Variants in MCTP2 observed in about 807,000 individuals in gnomAD.
MCTP2 encodes the protein multiple C2 and transmembrane domain-containing protein 2.
In MCTP2, 132 loss-of-function variants were observed where a neutral mutation model predicts 111.6. That is an observed-to-expected ratio of 1.18 (90% CI 1.03 to 1.37). MCTP2 has a LOEUF of 1.37. Ranked by LOEUF, MCTP2 falls within the 40% of genes most tolerant of loss-of-function variation. The pLI is 0.00. For missense variants in MCTP2, 1,183 were observed against 1,067.9 expected (o/e 1.11, Z -1.50); for synonymous variants, 395 against 387.7 (o/e 1.02, Z -0.22).
At chr15:94,395,353 A>G (rs929982749) in intron 14 of MCTP2, among the ~76,000 whole-genome samples, 4 of 152,228 alleles carry the variant, frequency 2.6e-5, no homozygotes, top group South Asian at 2.1e-4. Flanking sequence ...ACAATGGGGA[A>G]TCAGTATGAC....
At chr15:94,411,979 A>G (rs2082172329) in intron 17 of MCTP2, among the ~76,000 whole-genome samples, 1 of 152,008 alleles carries the variant, frequency 6.6e-6, no homozygotes, top group African/African-American at 2.4e-5. Flanking sequence ...CAAGGAAAAA[A>G]CCCAAAACAA....
At chr15:94,390,082 A>ACG (rs1423674269) in intron 14 of MCTP2, among the ~76,000 whole-genome samples, 917 of 11,102 alleles carry the variant, frequency 0.083, 38 homozygotes, top group East Asian at 0.11. Context: ...ATATATATAT[A>ACG]TATATATGTA....
At chr15:94,261,461 G>C (rs8036200) in intron 1 of MCTP2, among the ~76,000 whole-genome samples, 65,488 of 152,024 alleles carry the variant, frequency 0.43, 14,399 homozygotes, top group East Asian at 0.65. Flanking sequence ...CCGGTGGCCA[G>C]GCAGGCTGTA....
chr15:94,394,335 CACA>C (rs200039702), intron 14 of MCTP2, among the ~76,000 whole-genome samples: 1,731 of 152,098 alleles, frequency 0.011, 13 homozygotes, highest in Non-Finnish European at 0.019. Context: ...ATGAGGTGGG[CACA>C]ACATTCCCCG....
chr15:94,278,667 A>G (rs2074331479), intron 1 of MCTP2, among the ~76,000 whole-genome samples: 3 of 151,790 alleles, frequency 2.0e-5, no homozygotes, highest in Non-Finnish European at 4.4e-5. Context: ...TGATGTACTA[A>G]TGGTTTCAGG....
At chr15:94,233,692 G>T (rs1029487331) in intron 1 of MCTP2, among the ~76,000 whole-genome samples, 1 of 152,134 alleles carries the variant, frequency 6.6e-6, no homozygotes, top group Non-Finnish European at 1.5e-5. Flanking sequence ...GAGGAATCAA[G>T]TTCCTTATTT....
intron 1 of MCTP2, among the ~76,000 whole-genome samples, chr15:94,255,216 T>G (rs1289006238): frequency 6.6e-6 from 1 of 152,228 alleles, no homozygotes; most frequent in Non-Finnish European, 1.5e-5. Flanking sequence ...ATAAATGATT[T>G]CAAATACATC....
chr15:94,440,606 C>A (rs139363596), intron 18 of MCTP2, among the ~76,000 whole-genome samples: 2 of 152,332 alleles, frequency 1.3e-5, no homozygotes, highest in East Asian at 3.9e-4. Flanking sequence ...TGAACAACCT[C>A]CTCAGTCACT....
chr15:94,441,646 C>T (rs987687361), intron 18 of MCTP2, among the ~76,000 whole-genome samples: 16 of 152,072 alleles, frequency 1.1e-4, no homozygotes, highest in Admixed American at 2.0e-4. Context: ...TAATTTAGTT[C>T]GATAACACAA....
At chr15:94,338,222 G>A (rs1028469989) in intron 4 of MCTP2, among the ~76,000 whole-genome samples, 4 of 140,518 alleles carry the variant, frequency 2.8e-5, no homozygotes, top group East Asian at 3.9e-4. Flanking sequence ...TGAACAGACC[G>A]GGCTGTTGGT....
intron 4 of MCTP2, among the ~76,000 whole-genome samples, chr15:94,332,703 G>C (rs2077183958): frequency 6.7e-6 from 1 of 149,946 alleles, no homozygotes; most frequent in Admixed American, 6.6e-5. Flanking sequence ...TCAAGCTAAA[G>C]ACAACATTTC....
In MCTP2 at chr15:94,244,196, A is replaced by C. The variant is rs186288053; in HGVS notation, c.-66+12532A>C. On this transcript the variant is annotated intron_variant, in intron 1 of 22. Coordinates refer to ENST00000357742, the MANE Select transcript of MCTP2 (RefSeq NM_001385001.1). ...CACATACGTATGTGTATATGTTTAT[A>C]TACACGTGTATACACATACATATGT... Among the ~76,000 whole-genome samples, 120 of 145,574 alleles carry C rather than the reference A, an allele frequency of 8.2e-4. 2 individuals carry two copies. The highest frequency in any genetic ancestry group is 1.5e-3 in the Non-Finnish European group (95 of 64,624).
chr15:94,437,125 A>G (rs1049045525), intron 17 of MCTP2, among the ~76,000 whole-genome samples: 3 of 150,282 alleles, frequency 2.0e-5, no homozygotes, highest in African/African-American at 7.3e-5. Context: ...TGATCCAAAA[A>G]GTATTTCAAA....
chr15:94,443,326 G>A (rs1226115959), intron 19 of MCTP2, among the ~76,000 whole-genome samples: 1 of 152,144 alleles, frequency 6.6e-6, no homozygotes, highest in African/African-American at 2.4e-5. Context: ...CACTCTGTGG[G>A]GTGGTCACCC....
At chr15:94,408,095 T>G (rs1210591179) in intron 17 of MCTP2, among the ~76,000 whole-genome samples, 2 of 152,206 alleles carry the variant, frequency 1.3e-5, no homozygotes, top group African/African-American at 4.8e-5. Flanking sequence ...AGATTTACTT[T>G]AAGTTCTGTC....
intron 17 of MCTP2, among the ~76,000 whole-genome samples, chr15:94,405,833 G>A (rs1007276828): frequency 1.6e-4 from 24 of 151,944 alleles, no homozygotes; most frequent in African/African-American, 5.6e-4. Context: ...AGATATTTTG[G>A]TATCTTGCCT....
chr15:94,435,154 C>T (rs1203680252), intron 17 of MCTP2, among the ~76,000 whole-genome samples: 9 of 152,108 alleles, frequency 5.9e-5, no homozygotes, highest in African/African-American at 9.7e-5. Context: ...CATGAGCCAC[C>T]GTACCCAGCC....
chr15:94,331,626 A>G (rs1215798195), intron 4 of MCTP2, among the ~76,000 whole-genome samples: 1 of 152,256 alleles, frequency 6.6e-6, no homozygotes, highest in East Asian at 1.9e-4. Context: ...ATAGTTAAAC[A>G]AGTTTTAGTA....
intron 4 of MCTP2, among the ~76,000 whole-genome samples, chr15:94,322,673 G>A (rs8033970): frequency 6.6e-6 from 1 of 152,072 alleles, no homozygotes; most frequent in African/African-American, 2.4e-5. Context: ...AACAAAGATG[G>A]TATAATCTCA....
Sources: gnomAD v4.1 joint callset for allele counts (sites outside exome capture counted in the v4.1 genomes callset) on GRCh38, gnomAD v4.1.1 for gene constraint, MANE v1.5 for transcripts, NCBI Gene and HGNC (gene_info 2026-07-23, HGNC 2026-07-21) for gene names.